NR6A1: variants seen among roughly 807,000 people sequenced by gnomAD.
NR6A1 encodes retinoic acid receptor-related testis-associated receptor.
In NR6A1, 7 loss-of-function variants were observed where a neutral mutation model predicts 59.1. The observed-to-expected ratio is 0.12, with a 90% CI of 0.07 to 0.22. NR6A1 has a LOEUF of 0.22. Among genes scored for constraint, NR6A1 ranks in the 10% least tolerant of loss-of-function variants. The pLI, the probability that NR6A1 is intolerant of heterozygous loss-of-function variation, is 1.00. For synonymous variants in NR6A1, 243 were observed against 236.1 expected (o/e 1.03, Z -0.27); for missense variants, 468 against 611.6 (o/e 0.77, Z 2.48).
At chr9:124,593,291 C>T (rs1588694604) in intron 2 of NR6A1, among the ~76,000 whole-genome samples, 1 of 152,086 alleles carries the variant, frequency 6.6e-6, no homozygotes, top group African/African-American at 2.4e-5. Flanking sequence ...ACCAGCTGTT[C>T]GGGGAGGGAT....
chr9:124,568,169 C>CAAAAAAAA (rs34652433), intron 2 of NR6A1, among the ~76,000 whole-genome samples: 22 of 30,448 alleles, frequency 7.2e-4, no homozygotes, highest in Middle Eastern at 0.071. Context: ...TACTTCATCT[C>CAAAAAAAA]AAAAAAAAAA....
chr9:124,704,588 T>G (rs1423148507), intron 2 of NR6A1, among the ~76,000 whole-genome samples: 1 of 152,220 alleles, frequency 6.6e-6, no homozygotes, highest in Non-Finnish European at 1.5e-5. Context: ...GTGTTTTATC[T>G]AGTTTCTTAC....
chr9:124,599,419 C>CAAA (rs530668330), intron 2 of NR6A1: 192 of 291,956 alleles, frequency 6.6e-4, no homozygotes, highest in South Asian at 1.1e-3. Flanking sequence ...TACATGGTCT[C>CAAA]AAAAAAAAAA....
At chr9:124,677,964 G>A (rs1056439101) in intron 2 of NR6A1, among the ~76,000 whole-genome samples, 4 of 152,056 alleles carry the variant, frequency 2.6e-5, no homozygotes, top group Non-Finnish European at 5.9e-5. Context: ...GAATGCTACC[G>A]TAAAAGAGAA....
intron 2 of NR6A1, among the ~76,000 whole-genome samples, chr9:124,622,600 A>T (rs1219611341): frequency 6.6e-6 from 1 of 152,236 alleles, no homozygotes; most frequent in Non-Finnish European, 1.5e-5. Flanking sequence ...ACAAATACTG[A>T]ACCACTATAA....
chr9:124,663,865 T>A (rs1349882419), intron 2 of NR6A1, among the ~76,000 whole-genome samples: 1 of 152,176 alleles, frequency 6.6e-6, no homozygotes, highest in Admixed American at 6.5e-5. Flanking sequence ...CAGACTTCAA[T>A]AATGTAAGGT....
intron 2 of NR6A1, among the ~76,000 whole-genome samples, chr9:124,713,514 C>T (rs768753072): frequency 2.1e-4 from 32 of 152,202 alleles, no homozygotes; most frequent in Non-Finnish European, 3.4e-4. Flanking sequence ...GATTAATATA[C>T]AGAACACAGA....
At chr9:124,626,438 C>T (rs1162876684) in intron 2 of NR6A1, among the ~76,000 whole-genome samples, 1 of 152,214 alleles carries the variant, frequency 6.6e-6, no homozygotes, top group Admixed American at 6.5e-5. Flanking sequence ...ATGACTCATA[C>T]ATCTAGGATC....
At chr9:124,527,259 T>G (rs1016459951) in intron 7 of NR6A1, among the ~76,000 whole-genome samples, 1 of 152,126 alleles carries the variant, frequency 6.6e-6, no homozygotes, top group Non-Finnish European at 1.5e-5. Flanking sequence ...GGGATATAAA[T>G]GTGGAGAAGT....
chr9:124,626,671 C>T (rs985561772), intron 2 of NR6A1, among the ~76,000 whole-genome samples: 1 of 152,160 alleles, frequency 6.6e-6, no homozygotes, highest in African/African-American at 2.4e-5. Context: ...CGTGGTGGCT[C>T]ACGCCTGTAA....
Position 124,771,183 on chromosome 9 carries a change from T to G in NR6A1, c.-64A>C. 1.0e-6 allele frequency: 1 copy of G among 961,628 alleles called. No homozygotes were observed. Among genetic ancestry groups the G allele is most frequent in the Non-Finnish European group, 1.3e-6 (1 of 740,872 alleles). 59.6% of individuals were successfully genotyped at this position (961,628 alleles called of 1,614,324 possible). On this transcript the variant is annotated 5_prime_UTR_variant, in exon 1 of 10. Coordinates refer to ENST00000487099, the MANE Select transcript of NR6A1 (RefSeq NM_033334.4). Reference sequence around the variant, plus strand: ...GCCATGACCGGCGCCCTAGTCGCCGTGGTCGTCGTCCGCCGAGGGGAGGAG... The same window carrying G: ...GCCATGACCGGCGCCCTAGTCGCCGGGGTCGTCGTCCGCCGAGGGGAGGAG...
intron 3 of NR6A1, among the ~76,000 whole-genome samples, chr9:124,553,744 G>A (rs951002141): frequency 4.0e-5 from 6 of 151,192 alleles, no homozygotes; most frequent in African/African-American, 1.5e-4. Context: ...TTTCCTTCTA[G>A]ACTCTACTAA....
At chr9:124,742,857 C>G (rs941544708) in intron 1 of NR6A1, among the ~76,000 whole-genome samples, 4 of 152,150 alleles carry the variant, frequency 2.6e-5, no homozygotes, top group Non-Finnish European at 5.9e-5. Flanking sequence ...GCCTGGATGA[C>G]AGAGCGAGAC....
At chr9:124,743,800 A>G (rs1429049452) in intron 1 of NR6A1, among the ~76,000 whole-genome samples, 2 of 152,260 alleles carry the variant, frequency 1.3e-5, no homozygotes, top group Admixed American at 1.3e-4. Flanking sequence ...TAGTGTTTCT[A>G]TGGAATTACA....
intron 2 of NR6A1, among the ~76,000 whole-genome samples, chr9:124,604,803 G>A (rs1034353491): frequency 1.8e-4 from 27 of 151,546 alleles, no homozygotes; most frequent in African/African-American, 6.6e-4. Context: ...GACAGAGCAA[G>A]ACCCTGTCTC....
chr9:124,741,983 C>T (rs572546007), intron 1 of NR6A1, among the ~76,000 whole-genome samples: 2 of 152,198 alleles, frequency 1.3e-5, no homozygotes, highest in Admixed American at 1.3e-4. Context: ...GCAAACAGGG[C>T]TATTTGAGAA....
chr9:124,722,008 T>C (rs544892204), intron 2 of NR6A1, among the ~76,000 whole-genome samples: 2 of 152,188 alleles, frequency 1.3e-5, no homozygotes, highest in African/African-American at 4.8e-5. Flanking sequence ...TAATAAAAAA[T>C]GCATGTGAAA....
chr9:124,626,960 G>A (rs965553977), intron 2 of NR6A1, among the ~76,000 whole-genome samples: 11 of 151,990 alleles, frequency 7.2e-5, no homozygotes, highest in African/African-American at 2.7e-4. Context: ...GGAGCTTCAG[G>A]ACAAAAGACT....
chr9:124,741,804 G>A (rs1840179849), intron 1 of NR6A1, among the ~76,000 whole-genome samples: 1 of 152,142 alleles, frequency 6.6e-6, no homozygotes, highest in Non-Finnish European at 1.5e-5. Context: ...GTTAGCTTAG[G>A]AAATGACTTC....
Sources: gnomAD v4.1 joint callset for allele counts (sites outside exome capture counted in the v4.1 genomes callset) on GRCh38, gnomAD v4.1.1 for gene constraint, MANE v1.5 for transcripts, NCBI Gene and HGNC (gene_info 2026-07-23, HGNC 2026-07-21) for gene names.